Variants in SLC25A21 observed in about 807,000 individuals in gnomAD.
The protein encoded by SLC25A21 is mitochondrial 2-oxodicarboxylate carrier.
In SLC25A21, 47 loss-of-function variants were observed where a neutral mutation model predicts 43.8. That is an observed-to-expected ratio of 1.07 (90% CI 0.85 to 1.37). SLC25A21 has a LOEUF of 1.37. SLC25A21 is among the 40% of genes most tolerant of loss of function. The probability of loss-of-function intolerance (pLI) is 0.00; values close to 1 mark genes in which losing one functional copy is unlikely to be tolerated. For missense variants in SLC25A21, 352 were observed against 350.2 expected (o/e 1.00, Z -0.04); for synonymous variants, 131 against 121.3 (o/e 1.08, Z -0.52).
intron 1 of SLC25A21, among the ~76,000 whole-genome samples, chr14:36,940,741 C>A (rs1364360987): frequency 6.6e-6 from 1 of 152,112 alleles, no homozygotes; most frequent in Admixed American, 6.5e-5. Flanking sequence ...TTCAGACTTT[C>A]AGATGACCAT....
chr14:37,045,925 A>G (rs1258317804), intron 1 of SLC25A21, among the ~76,000 whole-genome samples: 4 of 152,200 alleles, frequency 2.6e-5, no homozygotes, highest in Non-Finnish European at 5.9e-5. Flanking sequence ...TCTATTAACA[A>G]TGTTTTTTGT....
At chr14:36,829,697 C>G (rs564706410) in intron 2 of SLC25A21, among the ~76,000 whole-genome samples, 1 of 97,756 alleles carries the variant, frequency 1.0e-5, no homozygotes, top group Non-Finnish European at 2.1e-5. Flanking sequence ...CTTGGGTCAG[C>G]TGTCTAATGC....
chr14:36,743,578 T>C (rs1885365436), intron 3 of SLC25A21, among the ~76,000 whole-genome samples: 2 of 151,960 alleles, frequency 1.3e-5, no homozygotes, highest in Admixed American at 1.3e-4. Context: ...GCCAACAGCA[T>C]ACTGGATGGG....
intron 3 of SLC25A21, among the ~76,000 whole-genome samples, chr14:36,794,530 G>A (rs1460950465): frequency 6.6e-6 from 1 of 152,144 alleles, no homozygotes; most frequent in Non-Finnish European, 1.5e-5. Context: ...CACGTTGGGA[G>A]GCCAAGGTGG....
intron 2 of SLC25A21, among the ~76,000 whole-genome samples, chr14:36,823,698 C>T (rs1456457228): frequency 1.3e-5 from 2 of 152,154 alleles, no homozygotes; most frequent in African/African-American, 4.8e-5. Flanking sequence ...AGACAAGTAT[C>T]GTAGTTTTCC....
intron 1 of SLC25A21, among the ~76,000 whole-genome samples, chr14:37,119,032 T>C (rs1335833508): frequency 6.6e-6 from 1 of 152,164 alleles, no homozygotes; most frequent in Non-Finnish European, 1.5e-5. Flanking sequence ...AAGATGGTGA[T>C]GGAAGTGACC....
intron 1 of SLC25A21, among the ~76,000 whole-genome samples, chr14:37,060,605 C>CCACACACACA (rs10560891): frequency 2.0e-5 from 3 of 149,084 alleles, no homozygotes; most frequent in Admixed American, 6.7e-5. Context: ...CCATTAAACA[C>CCACACACACA]CACACACACA....
At position 36,813,839 on chromosome 14, in the gene SLC25A21, T is replaced by C. The variant is rs962878588; in HGVS notation, c.203+79A>G. The stretch of plus-strand genomic sequence containing the variant: ...TTAAGTATTTTGCCCCTAGTAAGAC[T>C]AGGAAAATAAACCATTCGAAATGAG... On this transcript the variant is annotated intron_variant, in intron 3 of 9. Transcript: ENST00000331299. 8.4e-6 allele frequency: 9 copies of C among 1,069,634 alleles called. No individual in the cohort carries two copies. The African/African-American group carries it at 1.3e-4, about 15-fold the overall frequency. The allele number at this position is 1,069,634 out of a possible 1,614,324, so 66.3% of individuals were successfully genotyped here. A position where few individuals can be genotyped will look rare whatever the true frequency, so the allele number is the denominator to read the frequency against.
At chr14:36,868,235 T>C (rs886365302) in intron 2 of SLC25A21, among the ~76,000 whole-genome samples, 5 of 152,264 alleles carry the variant, frequency 3.3e-5, no homozygotes, top group Admixed American at 1.3e-4. Context: ...AGGTCTTTTG[T>C]CATTTGTAGC....
At position 36,680,437 on chromosome 14, in the gene SLC25A21, T is replaced by G; in HGVS notation, c.*221A>C. 5.2e-6 allele frequency: 6 copies of G among 1,158,368 alleles called. No homozygotes were observed. Among genetic ancestry groups the G allele is most frequent in the Non-Finnish European group, 6.4e-6 (6 of 932,824 alleles). The allele number at this position is 1,158,368 out of a possible 1,614,324, so 71.8% of individuals were successfully genotyped here. A position where few individuals can be genotyped will look rare whatever the true frequency, so the allele number is the denominator to read the frequency against. On this transcript the variant is annotated 3_prime_UTR_variant, in exon 10 of 10. Transcript: ENST00000331299. Reference sequence around the variant, plus strand: ...TTCTATATTCACTTTAAATACCTCATTGTTTCATATTATTTTTTTCTTCTC... The same window carrying G: ...TTCTATATTCACTTTAAATACCTCAGTGTTTCATATTATTTTTTTCTTCTC...
At chr14:36,850,419 T>G (rs1889688552) in intron 2 of SLC25A21, among the ~76,000 whole-genome samples, 1 of 152,046 alleles carries the variant, frequency 6.6e-6, no homozygotes. Context: ...CTCGTTTTGC[T>G]CCAAAGCTAA....
intron 1 of SLC25A21, among the ~76,000 whole-genome samples, chr14:36,984,094 C>G (rs986557410): frequency 6.6e-6 from 1 of 151,942 alleles, no homozygotes; most frequent in African/African-American, 2.4e-5. Flanking sequence ...GCAATATATC[C>G]ATGTAATAAA....
intron 2 of SLC25A21, among the ~76,000 whole-genome samples, chr14:36,817,455 G>C (rs1397902827): frequency 3.9e-5 from 6 of 152,164 alleles, no homozygotes; most frequent in Non-Finnish European, 7.4e-5. Context: ...CTTTCTAATG[G>C]GGAAGCGAAC....
chr14:36,823,728 C>T (rs534190748), intron 2 of SLC25A21, among the ~76,000 whole-genome samples: 6 of 152,256 alleles, frequency 3.9e-5, no homozygotes, highest in South Asian at 4.1e-4. Flanking sequence ...CAAGTAATTA[C>T]GGTTTTAAAA....
intron 1 of SLC25A21, among the ~76,000 whole-genome samples, chr14:37,026,038 G>T (rs1961085672): frequency 6.6e-6 from 1 of 151,994 alleles, no homozygotes; most frequent in South Asian, 2.1e-4. Context: ...TATGTAACAG[G>T]AAAGCACGCA....
At chr14:37,068,642 G>C (rs2138822060) in intron 1 of SLC25A21, among the ~76,000 whole-genome samples, 1 of 152,254 alleles carries the variant, frequency 6.6e-6, no homozygotes, top group South Asian at 2.1e-4. Context: ...AACATTGCTA[G>C]ATGCTAATAA....
intron 1 of SLC25A21, among the ~76,000 whole-genome samples, chr14:36,923,456 A>C (rs1353152966): frequency 2.0e-5 from 3 of 152,216 alleles, no homozygotes; most frequent in Admixed American, 1.3e-4. Flanking sequence ...CAGAAGAAAA[A>C]TGATATCAGA....
At chr14:36,783,843 T>C (rs1887157878) in intron 3 of SLC25A21, among the ~76,000 whole-genome samples, 2 of 152,204 alleles carry the variant, frequency 1.3e-5, no homozygotes, top group African/African-American at 2.4e-5. Flanking sequence ...ATCTTGCTGA[T>C]GTCACTCACC....
At chr14:37,023,304 T>C (rs528033426) in intron 1 of SLC25A21, among the ~76,000 whole-genome samples, 2 of 152,110 alleles carry the variant, frequency 1.3e-5, no homozygotes, top group Admixed American at 6.6e-5. Flanking sequence ...AAACTTCAGA[T>C]TAAATTTTTT....
Sources: gnomAD v4.1 joint callset for allele counts (sites outside exome capture counted in the v4.1 genomes callset) on GRCh38, gnomAD v4.1.1 for gene constraint, MANE v1.5 for transcripts, NCBI Gene and HGNC (gene_info 2026-07-23, HGNC 2026-07-21) for gene names.